CSMD1: variants seen among roughly 807,000 people sequenced by gnomAD.
CSMD1 encodes the protein CUB and sushi domain-containing protein 1.
A neutral mutation model predicts 417.5 loss-of-function variants in CSMD1; 213 were observed. The observed-to-expected ratio is 0.51, with a 90% confidence interval of 0.46 to 0.57. The LOEUF (loss-of-function observed/expected upper bound fraction) is 0.57, where lower values mean the gene tolerates loss of function less well. Among genes scored for constraint, CSMD1 ranks in the 20% least tolerant of loss-of-function variants. The pLI, the probability that CSMD1 is intolerant of heterozygous loss-of-function variation, is 0.00. For synonymous variants in CSMD1, 2,862 were observed against 1,736.8 expected, an observed-to-expected ratio of 1.65 and a Z score of -16.11; for missense variants, 6,923 against 4,529.7, an observed-to-expected ratio of 1.53 and a Z score of -15.17.
intron 11 of CSMD1, among the ~76,000 whole-genome samples, chr8:3,479,062 G>A (rs564941235): frequency 1.3e-5 from 2 of 151,930 alleles, no homozygotes; most frequent in South Asian, 2.1e-4. Context: ...TGCCCCCTCA[G>A]CCAGCACCAG....
At chr8:3,985,918 A>G (rs893298854) in intron 5 of CSMD1, among the ~76,000 whole-genome samples, 5 of 130,946 alleles carry the variant, frequency 3.8e-5, no homozygotes, top group African/African-American at 1.5e-4. Context: ...ATTTCAAACC[A>G]TTTTGCATAA....
At chr8:3,612,761 G>T (rs923614905) in intron 8 of CSMD1, among the ~76,000 whole-genome samples, 1 of 152,066 alleles carries the variant, frequency 6.6e-6, no homozygotes, top group African/African-American at 2.4e-5. Context: ...CAAAATTGAA[G>T]AGATGCAGCC....
At chr8:4,152,841 T>A (rs949743361) in intron 3 of CSMD1, among the ~76,000 whole-genome samples, 1 of 152,186 alleles carries the variant, frequency 6.6e-6, no homozygotes, top group East Asian at 1.9e-4. Context: ...AATGTATGTA[T>A]GTGCATGTGT....
intron 3 of CSMD1, among the ~76,000 whole-genome samples, chr8:4,056,043 C>T (rs142830733): frequency 6.7e-6 from 1 of 150,110 alleles, no homozygotes; most frequent in African/African-American, 2.4e-5. Flanking sequence ...AAATTGAACT[C>T]AACCCTGAAT....
intron 5 of CSMD1, among the ~76,000 whole-genome samples, chr8:3,984,243 G>C (rs1161995959): frequency 7.0e-6 from 1 of 142,706 alleles, no homozygotes; most frequent in Non-Finnish European, 1.5e-5. Context: ...TGCAAAGCGA[G>C]TGGCAAGCTT....
chr8:4,108,662 A>T (rs563362201), intron 3 of CSMD1, among the ~76,000 whole-genome samples: 23 of 152,312 alleles, frequency 1.5e-4, no homozygotes, highest in African/African-American at 5.5e-4. Context: ...GACACTTTCG[A>T]CAAATTATTT....
chr8:4,906,895 T>C (rs6982855), intron 1 of CSMD1, among the ~76,000 whole-genome samples: 124,814 of 152,164 alleles, frequency 0.82, 51,314 homozygotes, highest in Admixed American at 0.84. Flanking sequence ...AGTTTCACAA[T>C]GTGAGTAAAT....
intron 1 of CSMD1, among the ~76,000 whole-genome samples, chr8:4,908,196 G>C (rs946377499): frequency 2.6e-5 from 4 of 152,156 alleles, no homozygotes; most frequent in African/African-American, 7.2e-5. Context: ...TTCTCTTCTT[G>C]TTTGCAGTTT....
chr8:4,857,669 A>G (rs1801883381), intron 1 of CSMD1, among the ~76,000 whole-genome samples: 1 of 152,144 alleles, frequency 6.6e-6, no homozygotes, highest in South Asian at 2.1e-4. Context: ...TCTAGAAGAA[A>G]TGGATAAATT....
chr8:3,417,233 G>C (rs1237590284), intron 12 of CSMD1, among the ~76,000 whole-genome samples: 1 of 152,104 alleles, frequency 6.6e-6, no homozygotes, highest in South Asian at 2.1e-4. Flanking sequence ...ATAAATAAGA[G>C]GGACCTTTAA....
intron 3 of CSMD1, among the ~76,000 whole-genome samples, chr8:4,210,240 G>A (rs976793453): frequency 6.6e-6 from 1 of 152,206 alleles, no homozygotes; most frequent in African/African-American, 2.4e-5. Context: ...TTTCTCACAG[G>A]AGGGGCAGAG....
intron 5 of CSMD1, among the ~76,000 whole-genome samples, chr8:3,968,876 C>G (rs1459266875): frequency 6.6e-6 from 1 of 152,252 alleles, no homozygotes; most frequent in East Asian, 1.9e-4. Context: ...TCTTTTCTTG[C>G]AAGAAAGATT....
At chr8:3,089,016 C>T (rs976616804) in intron 48 of CSMD1, among the ~76,000 whole-genome samples, 1 of 152,180 alleles carries the variant, frequency 6.6e-6, no homozygotes, top group Admixed American at 6.5e-5. Flanking sequence ...TCTTCTCTCA[C>T]CAGCCCCTCA....
intron 1 of CSMD1, among the ~76,000 whole-genome samples, chr8:4,964,958 TG>T (rs1265260707): frequency 6.6e-6 from 1 of 152,170 alleles, no homozygotes; most frequent in East Asian, 1.9e-4. Flanking sequence ...CATATGTACT[TG>T]CTACCTATTG....
chr8:3,385,160 ACAT>A (rs1810927800), intron 18 of CSMD1, among the ~76,000 whole-genome samples: 1 of 136,790 alleles, frequency 7.3e-6, no homozygotes, highest in African/African-American at 2.7e-5. Context: ...AATATATAAT[ACAT>A]AATATATAAA....
At position 4,137,857 on chromosome 8, in the gene CSMD1, C is replaced by T. The variant is rs1803527278; in HGVS notation, c.416-105758G>A. Among the ~76,000 whole-genome samples, 2 of 105,256 alleles carry T rather than the reference C, an allele frequency of 1.9e-5. 1 individual carries two copies. 69.1% of individuals were successfully genotyped at this position (105,256 alleles called of 152,430 possible). ...TTAGTGTTATTTTACCTTTTGGATG[C>T]CTTACATTATTTTTTTTAATTAATT... On this transcript the variant is annotated intron_variant, in intron 3 of 69. Coordinates refer to ENST00000635120, the MANE Select transcript of CSMD1 (RefSeq NM_033225.6).
At chr8:4,454,263 T>C (rs1269874234) in intron 2 of CSMD1, among the ~76,000 whole-genome samples, 1 of 152,178 alleles carries the variant, frequency 6.6e-6, no homozygotes, top group African/African-American at 2.4e-5. Context: ...CGCCTCTCAC[T>C]GCCTAACTGG....
In CSMD1 at chr8:4,598,326, T is replaced by G. The variant is rs143346298; in HGVS notation, c.302+39016A>C. ...GAATACTATGCTGAATTCCTAGCAG[T>G]CTAAACAGCTGAAAATGGTGTTGGA... On this transcript the variant is annotated intron_variant, in intron 2 of 69. Coordinates refer to ENST00000635120, the MANE Select transcript of CSMD1 (RefSeq NM_033225.6). 2.6e-4 allele frequency among the ~76,000 whole-genome samples: 40 copies of G among 152,320 alleles called. No individual in the cohort carries two copies. In the East Asian group the frequency reaches 7.5e-3, roughly 29 times the overall value.
intron 1 of CSMD1, among the ~76,000 whole-genome samples, chr8:4,832,602 G>A (rs1282919408): frequency 6.6e-6 from 1 of 152,134 alleles, no homozygotes; most frequent in Non-Finnish European, 1.5e-5. Context: ...ATTACTAGCT[G>A]ACACTTAGGG....
Sources: allele counts gnomAD v4.1 joint callset (sites outside exome capture counted in the v4.1 genomes callset), GRCh38; gene constraint gnomAD v4.1.1; transcripts MANE v1.5; gene names NCBI Gene and HGNC (gene_info 2026-07-23, HGNC 2026-07-21).